The following YEATS4 variants were observed in gnomAD, a reference collection of about 807,000 sequenced individuals.
YEATS4 encodes YEATS domain-containing protein 4.
A neutral mutation model predicts 30.1 loss-of-function variants in YEATS4; 17 were observed. The observed-to-expected ratio is 0.56, with a 90% confidence interval of 0.39 to 0.85. YEATS4 has a LOEUF of 0.85. YEATS4 is among the 40% of genes least tolerant of loss of function. The probability of loss-of-function intolerance (pLI) is 0.00; values close to 1 mark genes in which losing one functional copy is unlikely to be tolerated. For synonymous variants in YEATS4, 85 were observed against 87.5 expected, an observed-to-expected ratio of 0.97 and a Z score of 0.16; for missense variants, 142 against 268.3, an observed-to-expected ratio of 0.53 and a Z score of 3.29.
At position 69,359,943 on chromosome 12, in the gene YEATS4, T is replaced by C. The variant is rs1875118010; in HGVS notation, c.-30T>C. On this transcript the variant is annotated 5_prime_UTR_variant, in exon 1 of 7. Transcript: ENST00000247843. The stretch of plus-strand genomic sequence containing the variant: ...CCCCGCCAGCCCCGGTCTCTTTCCC[T>C]GGCGGCGGCGGCTTCTTCCGTGGGA... 1 of 1,611,640 alleles carries C rather than the reference T, an allele frequency of 6.2e-7. No individual in the cohort carries two copies. The highest frequency in any genetic ancestry group is 8.5e-7 in the Non-Finnish European group (1 of 1,178,826).
chr12:69,398,934 A>C, the YEATS4 span, among the ~76,000 whole-genome samples: 1 of 152,012 alleles, frequency 6.6e-6, no homozygotes, highest in Non-Finnish European at 1.5e-5. Context: ...GTGGATCATG[A>C]GGTCAGGAGA....
At chr12:69,385,180 AT>A (rs35689180) in intron 6 of YEATS4, among the ~76,000 whole-genome samples, 67,064 of 146,082 alleles carry the variant, frequency 0.46, 14,961 homozygotes, top group Non-Finnish European at 0.5. Context: ...TGTCTGGCTA[AT>A]TTTTTTTTTT....
At chr12:69,416,670 G>A in the YEATS4 span, among the ~76,000 whole-genome samples, 584 of 152,320 alleles carry the variant, frequency 3.8e-3, 3 homozygotes, top group African/African-American at 0.013. Flanking sequence ...GGTTTGGGAA[G>A]ACAAGGCATC....
At chr12:69,390,045 A>G (rs544706798) in intron 6 of YEATS4, 102 bp from the exon 7 acceptor site, 2 of 963,628 alleles carry the variant, frequency 2.1e-6, no homozygotes, top group Non-Finnish European at 2.9e-6. Flanking sequence ...TCCACATTTC[A>G]TCATGGAAAC....
intron 5 of YEATS4, 35 bp from the exon 6 acceptor site, chr12:69,370,853 A>G (rs762919543): frequency 7.9e-5 from 127 of 1,601,302 alleles, no homozygotes; most frequent in Non-Finnish European, 1.0e-4. Flanking sequence ...GAGAACTTTG[A>G]AGTTATTGGG....
chr12:69,417,141 A>T, the YEATS4 span, among the ~76,000 whole-genome samples: 2 of 146,830 alleles, frequency 1.4e-5, no homozygotes, highest in South Asian at 2.2e-4. Context: ...CATGGCTTAA[A>T]CATTTTTTAA....
At chr12:69,363,182 A>G (rs1024377889) in intron 2 of YEATS4, among the ~76,000 whole-genome samples, 4 of 151,298 alleles carry the variant, frequency 2.6e-5, no homozygotes, top group African/African-American at 9.7e-5. Context: ...TTTGGTAGAG[A>G]CGGGGTTTCA....
chr12:69,391,403 CA>C (rs1868314391), downstream of YEATS4, among the ~76,000 whole-genome samples: 1 of 152,152 alleles, frequency 6.6e-6, no homozygotes, highest in Non-Finnish European at 1.5e-5. Flanking sequence ...CTCTTCTGTT[CA>C]AATCCACACA....
chr12:69,378,358 T>C (rs1465629660), intron 6 of YEATS4, among the ~76,000 whole-genome samples: 1 of 152,088 alleles, frequency 6.6e-6, no homozygotes, highest in Non-Finnish European at 1.5e-5. Flanking sequence ...CCATTTACAT[T>C]CACTGATATT....
intron 4 of YEATS4, among the ~76,000 whole-genome samples, chr12:69,368,935 T>C (rs1401216586): frequency 2.6e-5 from 4 of 152,174 alleles, no homozygotes. Flanking sequence ...CCACAGGTGC[T>C]GAGAATTAGG....
chr12:69,362,981 A>AATTTTTTTTTTTTTTTTTTTTTTTTT lies in YEATS4; in HGVS notation c.171+74_171+75insATTTTTTTTTTTTTTTTTTTTTTTTT, dbSNP rs1198849494. ...TTTGTTTTGCTTAAAGACAACCTGTAGTTTTTTTTTTTTTTTTTTTTTTTT... is the reference window on the plus strand; with the variant it reads ...TTTGTTTTGCTTAAAGACAACCTGTAATTTTTTTTTTTTTTTTTTTTTTTTTGTTTTTTTTTTTTTTTTTTTTTTTT... On this transcript the variant is annotated intron_variant, in intron 2 of 6. Transcript: ENST00000247843. 7 of 307,590 alleles carry AATTTTTTTTTTTTTTTTTTTTTTTTT rather than the reference A, an allele frequency of 2.3e-5. 3 individuals are homozygous for AATTTTTTTTTTTTTTTTTTTTTTTTT. The highest frequency in any genetic ancestry group is 7.2e-5 in the African/African-American group (2 of 27,712). The allele number at this position is 307,590 out of a possible 1,614,324, so 19.1% of individuals were successfully genotyped here.
rs1010937399 is a variant in YEATS4 at position 69,364,228 on chromosome 12, G to T, written c.171+1321G>T. Reference sequence around the variant, plus strand: ...AGCACTATGGGAGGCCCAAGCGGGAGGATCGCTTGAGCCCAGGAGTTTGAG... The same window carrying T: ...AGCACTATGGGAGGCCCAAGCGGGATGATCGCTTGAGCCCAGGAGTTTGAG... On this transcript the variant is annotated intron_variant, in intron 2 of 6. Transcript: ENST00000247843. 9.0e-6 allele frequency: 4 copies of T among 442,290 alleles called. No homozygotes were observed. In the Admixed American group the frequency reaches 9.8e-5, roughly 11 times the overall value. The allele number at this position is 442,290 out of a possible 1,614,324, so 27.4% of individuals were successfully genotyped here.
At chr12:69,406,973 C>G in the YEATS4 span, among the ~76,000 whole-genome samples, 1 of 151,908 alleles carries the variant, frequency 6.6e-6, no homozygotes, top group Non-Finnish European at 1.5e-5. Flanking sequence ...CACCACCACA[C>G]CTGGCTAATT....
At chr12:69,365,730 C>G (rs754363555) in intron 3 of YEATS4, 31 bp downstream of exon 3, 4 of 1,602,328 alleles carry the variant, frequency 2.5e-6, no homozygotes, top group Non-Finnish European at 3.4e-6. Flanking sequence ...TCACAATATC[C>G]AAAGTTAAAA....
At chr12:69,394,645 T>C (rs189723472), downstream of YEATS4, among the ~76,000 whole-genome samples, 70 of 151,260 alleles carry the variant, frequency 4.6e-4, no homozygotes, top group Non-Finnish European at 8.5e-4. Context: ...GTTTGTTTGT[T>C]TGTGGTAGAG....
In YEATS4 at chr12:69,386,774, GT is replaced by G. The variant is rs370635984; in HGVS notation, c.515-3372del. Among the ~76,000 whole-genome samples, 57 of 152,182 alleles carry G rather than the reference GT, an allele frequency of 3.7e-4. 1 individual carries two copies. In the East Asian group the frequency reaches 9.7e-3, roughly 26 times the overall value. On this transcript the variant is annotated intron_variant, in intron 6 of 6. Transcript: ENST00000247843. Reference sequence around the variant, plus strand: ...ATGACTAGTTTCTTAACATACAGTAGTCCCCCTTTATCTGGAGAGGACACAT... The same window carrying G: ...ATGACTAGTTTCTTAACATACAGTAGCCCCCTTTATCTGGAGAGGACACAT...
rs1399216104 is a variant in YEATS4 at position 69,390,426 on chromosome 12, A to G, written c.*110A>G. ...GATGTTTCTTAGAGGAACTTCATAT[A>G]CAGCTGTTGACCATGAATTTCTTAG... On this transcript the variant is annotated 3_prime_UTR_variant, in exon 7 of 7. Transcript: ENST00000247843. 3 of 944,390 alleles carry G rather than the reference A, an allele frequency of 3.2e-6. No homozygotes were observed. Among genetic ancestry groups the G allele is most frequent in the Admixed American group, 6.9e-5 (2 of 28,904 alleles). 58.5% of individuals were successfully genotyped at this position (944,390 alleles called of 1,614,324 possible).
chr12:69,392,835 A>G (rs1349840098), downstream of YEATS4, among the ~76,000 whole-genome samples: 1 of 152,160 alleles, frequency 6.6e-6, no homozygotes, highest in Non-Finnish European at 1.5e-5. Flanking sequence ...AAGTGTTAGC[A>G]TTTTTAATTG....
intron 6 of YEATS4, among the ~76,000 whole-genome samples, chr12:69,380,951 A>G (rs186695474): frequency 6.6e-6 from 1 of 152,312 alleles, no homozygotes; most frequent in East Asian, 1.9e-4. Flanking sequence ...TTCACAAGGT[A>G]ATAAGATATC....
Sources: gnomAD v4.1 joint callset for allele counts (sites outside exome capture counted in the v4.1 genomes callset) on GRCh38, gnomAD v4.1.1 for gene constraint, MANE v1.5 for transcripts, NCBI Gene and HGNC (gene_info 2026-07-23, HGNC 2026-07-21) for gene names.